The following TRPM4 variants were observed in gnomAD, a reference collection of about 807,000 sequenced individuals.
TRPM4 encodes the protein transient receptor potential cation channel subfamily M member 4.
TRPM4 carries 124 observed loss-of-function variants against 135.6 expected under a neutral mutation model. That is an observed-to-expected ratio of 0.91 (90% CI 0.79 to 1.06). The LOEUF (loss-of-function observed/expected upper bound fraction) is 1.06. TRPM4 is among the 50% of genes least tolerant of loss of function. TRPM4 has a pLI of 0.00. For missense variants in TRPM4, 1,658 were observed against 1,671.4 expected (o/e 0.99, Z 0.14); for synonymous variants, 745 against 705.6 (o/e 1.06, Z -0.88).
intron 16 of TRPM4, among the ~76,000 whole-genome samples, chr19:49,191,718 T>C (rs1193582302): frequency 6.6e-6 from 1 of 152,040 alleles, no homozygotes; most frequent in Non-Finnish European, 1.5e-5. Context: ...CAGGCTGGTC[T>C]TGAACTCCTG....
Position 49,190,680 on chromosome 19 carries a change from C to A in TRPM4, c.2133-16C>A. The A allele has an allele frequency of 1.9e-6, 3 of 1,613,686 alleles. No individual in the cohort carries two copies. In the East Asian group the frequency reaches 6.7e-5, roughly 36 times the overall value. Reference sequence around the variant, plus strand: ...TCTTCCCCTCATTTCTTGCTCTGTGCTTCCCCCCTTGCTAGGAAATCAGAA... The same window carrying A: ...TCTTCCCCTCATTTCTTGCTCTGTGATTCCCCCCTTGCTAGGAAATCAGAA... On this transcript the variant is annotated splice_polypyrimidine_tract_variant and intron_variant, in intron 15 of 24. Transcript: ENST00000252826.
In TRPM4 at chr19:49,210,290, T is replaced by C; in HGVS notation, c.3213T>C (p.Ser1071=). 1 of 1,614,196 alleles carries C rather than the reference T, an allele frequency of 6.2e-7. No homozygotes were observed. Among genetic ancestry groups the C allele is most frequent in the Non-Finnish European group, 8.5e-7 (1 of 1,180,036 alleles). ...ACCGCCTCATCCGGGAATTCCACTC[T>C]CGGCCCGCGCTGGCCCCGCCCTTTA... The part of the protein sequence containing the change: ...QRYRLIREFH[S]RPALAPPFIV... Residue 1071 remains serine, a synonymous_variant, in exon 21 of 25, where the codon TCT becomes TCC. Coordinates refer to ENST00000252826, the MANE Select transcript of TRPM4 (RefSeq NM_017636.4). This position sits in a 1 kb window ranked among gnomAD's most constrained non-coding sequence, Gnocchi z 4.1.
Position 49,210,376 on chromosome 19 carries a change from A to G in TRPM4, c.3299A>G (p.Gln1100Arg). Residue 1100 changes from glutamine (Q) to arginine (R), a missense_variant, in exon 21 of 25, where the codon CAG becomes CGG. Around this residue, in one of 3 missense-constraint regions of TRPM4, gnomAD observed 1,412 missense variants for 1,408.7 expected, o/e 1.00. Transcript: ENST00000252826. This position sits in a 1 kb window ranked among gnomAD's most constrained non-coding sequence, Gnocchi z 4.1. Reference protein sequence around the residue: ...RQLCRRPRSPQPSSPALEHFR... With the variant: ...RQLCRRPRSPRPSSPALEHFR... ...TTGTGCAGGCGACCCCGGAGCCCCCAGCCGTCCTCCCCGGCCCTCGAGCAT... is the reference window on the plus strand; with the variant it reads ...TTGTGCAGGCGACCCCGGAGCCCCCGGCCGTCCTCCCCGGCCCTCGAGCAT... The G allele has an allele frequency of 6.2e-7, 1 of 1,613,996 alleles. No homozygotes were observed. Among genetic ancestry groups the G allele is most frequent in the South Asian group, 1.1e-5 (1 of 91,074 alleles).
intron 10 of TRPM4, 69 bp downstream of exon 10, chr19:49,181,530 CTT>C (rs35727661): frequency 0.069 from 34,125 of 493,504 alleles, 11 homozygotes; most frequent in East Asian, 0.099. Context: ...TCTCTGCCTT[CTT>C]TTTTTTTTTT....
rs576458354 is a variant in TRPM4 at position 49,164,169 on chromosome 19, A to C, written c.93-1872A>C. On this transcript the variant is annotated intron_variant, in intron 2 of 24. Coordinates refer to ENST00000252826, the MANE Select transcript of TRPM4 (RefSeq NM_017636.4). ...TATCTGAACTCCTGGAATCTGGAAC[A>C]AAGAATTTAGATACATTTTTCTCCT... is the stretch of plus-strand genomic sequence containing the variant. Among the ~76,000 whole-genome samples, 3 of 152,050 alleles carry C rather than the reference A, an allele frequency of 2.0e-5. No individual in the cohort carries two copies. The South Asian group carries it at 6.2e-4, about 32-fold the overall frequency.
At position 49,203,737 on chromosome 19, in the gene TRPM4, T is replaced by A. The variant is rs1464957549; in HGVS notation, c.3131+1596T>A. 2.0e-5 allele frequency among the ~76,000 whole-genome samples: 3 copies of A among 152,178 alleles called. No homozygotes were observed. The East Asian group carries it at 5.8e-4, about 29-fold the overall frequency. ...ATTTGTCTTTTGGTGTCTGGCTGATTTTACTGAGCATGTTTTCAAGGCTCA... is the reference window on the plus strand; with the variant it reads ...ATTTGTCTTTTGGTGTCTGGCTGATATTACTGAGCATGTTTTCAAGGCTCA... On this transcript the variant is annotated intron_variant, in intron 20 of 24. Transcript: ENST00000252826.
intron 2 of TRPM4, among the ~76,000 whole-genome samples, chr19:49,164,370 T>TG (rs1359180436): frequency 1.3e-4 from 8 of 63,922 alleles, no homozygotes; most frequent in Non-Finnish European, 2.5e-4. Context: ...CTTAGTTTTT[T>TG]TTTTTTTTTT....
chr19:49,184,477 T>C (rs987227255), intron 12 of TRPM4, among the ~76,000 whole-genome samples: 2 of 139,814 alleles, frequency 1.4e-5, no homozygotes, highest in Non-Finnish European at 3.1e-5. Flanking sequence ...TTTTTTTTTT[T>C]TGAGACAGAG....
In TRPM4 at chr19:49,189,025, T is replaced by C. The variant is rs935764046; in HGVS notation, c.1953T>C (p.Asp651=). 3.7e-6 allele frequency: 6 copies of C among 1,614,190 alleles called. No individual in the cohort carries two copies. The highest frequency in any genetic ancestry group is 5.1e-6 in the Non-Finnish European group (6 of 1,180,034). Residue 651 remains aspartate (D), a synonymous_variant, in exon 14 of 25, where the codon GAT becomes GAC. Coordinates refer to ENST00000252826, the MANE Select transcript of TRPM4 (RefSeq NM_017636.4). ...TCCGTCGCTGCCCGCTCTGGGGGGATGCCACTTGCCTCCAGCTGGCCATGC... is the reference window on the plus strand; with the variant it reads ...TCCGTCGCTGCCCGCTCTGGGGGGACGCCACTTGCCTCCAGCTGGCCATGC... ...LLLRRCPLWG[D]ATCLQLAMQA...
intron 20 of TRPM4, among the ~76,000 whole-genome samples, chr19:49,208,332 G>T (rs1240348210): frequency 6.6e-6 from 1 of 151,154 alleles, no homozygotes; most frequent in Non-Finnish European, 1.5e-5. Flanking sequence ...AAACTCCCCC[G>T]GGGAAAGGGA....
intron 9 of TRPM4, among the ~76,000 whole-genome samples, chr19:49,175,609 G>A (rs185011078): frequency 6.6e-6 from 1 of 151,300 alleles, no homozygotes; most frequent in Admixed American, 6.6e-5. Flanking sequence ...ACCCATGTTT[G>A]TGGTGTGGTA....
At position 49,201,931 on chromosome 19, in the gene TRPM4, C is replaced by T. The variant is rs368972780; in HGVS notation, c.2954-33C>T. The T allele has an allele frequency of 3.4e-5, 54 of 1,610,890 alleles. 1 individual carries two copies. The highest frequency in any genetic ancestry group is 4.5e-5 in the Non-Finnish European group (53 of 1,178,938). ...CCTGTCTTTCTTAGGTCTCTGTCCCCCTCACCCCATCTCTGAATGTCTCTC... is the reference window on the plus strand; with the variant it reads ...CCTGTCTTTCTTAGGTCTCTGTCCCTCTCACCCCATCTCTGAATGTCTCTC... On this transcript the variant is annotated intron_variant, in intron 19 of 24. Transcript: ENST00000252826.
chr19:49,168,044 C>G lies in TRPM4; in HGVS notation c.395C>G (p.Thr132Ser), dbSNP rs1008036777. Residue 132 changes from threonine to serine, a missense_variant, in exon 4 of 25, where the codon ACC becomes AGC. Physicochemically the swap from Thr to Ser is moderately conservative, Grantham distance 58. This residue lies in a region of TRPM4 where 239 missense variants were observed against 240.1 expected (regional missense o/e 1.00). Transcript: ENST00000252826. ...GGATCGGGGGGCCCCGTCCTCCAGA[C>G]CTGGCTGCAGGACCTGCTGCGTCGT... ...LGGSGGPVLQ[T>S]WLQDLLRRGL... 1 of 1,612,616 alleles carries G rather than the reference C, an allele frequency of 6.2e-7. No homozygotes were observed. The highest frequency in any genetic ancestry group is 1.7e-5 in the Admixed American group (1 of 60,032).
At chr19:49,168,772 C>A (rs139282780) in intron 6 of TRPM4, 36 bp downstream of exon 6, 1 of 1,560,300 alleles carries the variant, frequency 6.4e-7, no homozygotes, top group East Asian at 2.4e-5. Flanking sequence ...AACCCACGAC[C>A]CACAACCTGC....
intron 17 of TRPM4, among the ~76,000 whole-genome samples, chr19:49,198,522 C>T (rs1285367978): frequency 2.0e-5 from 3 of 151,978 alleles, no homozygotes; most frequent in Middle Eastern, 3.4e-3. Flanking sequence ...GTGGCAGGCG[C>T]CTGTAATCCC....
At chr19:49,169,834 G>A (rs1416837901) in intron 6 of TRPM4, among the ~76,000 whole-genome samples, 5 of 150,674 alleles carry the variant, frequency 3.3e-5, no homozygotes, top group African/African-American at 9.8e-5. Flanking sequence ...CTGGGATTAC[G>A]GTCGTGAGCC....
At chr19:49,189,296 C>T (rs187415922) in intron 14 of TRPM4, among the ~76,000 whole-genome samples, 5 of 152,336 alleles carry the variant, frequency 3.3e-5, no homozygotes, top group African/African-American at 9.6e-5. Flanking sequence ...AACCTTCCCA[C>T]GGCAAAGCCC....
Position 49,210,447 on chromosome 19 carries a change from C to G in TRPM4, c.3328+42C>G, listed in dbSNP as rs1568497998. 1 of 1,601,286 alleles carries G rather than the reference C, an allele frequency of 6.2e-7. No homozygotes were observed. Among genetic ancestry groups the G allele is most frequent in the East Asian group, 2.2e-5 (1 of 44,836 alleles). ...GCTTAAAAAGGAGAAATATAGGGGA[C>G]CGGGAGCCTGGAAGGCGAGGGGAAG... On this transcript the variant is annotated intron_variant, in intron 21 of 24. Coordinates refer to ENST00000252826, the MANE Select transcript of TRPM4 (RefSeq NM_017636.4). The surrounding 1 kb of genome is among the most constrained non-coding windows in gnomAD (Gnocchi z 4.1).
chr19:49,188,880 C>T (rs1281956762), intron 13 of TRPM4, 66 bp from the exon 14 acceptor site: 7 of 1,613,118 alleles, frequency 4.3e-6, no homozygotes, highest in Non-Finnish European at 5.9e-6. Context: ...ATTCCCTTAC[C>T]TCTCCCTTCA....
Sources: allele counts gnomAD v4.1 joint callset (sites outside exome capture counted in the v4.1 genomes callset), GRCh38; gene constraint gnomAD v4.1.1; regional missense constraint gnomAD v4.1.1; non-coding constraint Gnocchi (gnomAD v3.1); transcripts MANE v1.5; gene names NCBI Gene and HGNC (gene_info 2026-07-23, HGNC 2026-07-21).